DNAJC24: variants seen among roughly 807,000 people sequenced by gnomAD.
The protein encoded by DNAJC24 is DnaJ heat shock protein family (Hsp40) member C24, also known as dnaJ homolog subfamily C member 24.
DNAJC24 carries 17 observed loss-of-function variants against 18.0 expected under a neutral mutation model. The ratio of observed to expected loss-of-function variants is 0.94; its 90% CI spans 0.65 to 1.42. The LOEUF is 1.42. DNAJC24 is among the 40% of genes most tolerant of loss of function. The pLI is 0.00. For missense variants in DNAJC24, 158 were observed against 175.6 expected (o/e 0.90, Z 0.57); for synonymous variants, 55 against 57.7 (o/e 0.95, Z 0.21).
intron 2 of DNAJC24, among the ~76,000 whole-genome samples, chr11:31,411,471 C>T (rs1952708941): frequency 6.6e-6 from 1 of 152,160 alleles, no homozygotes; most frequent in Non-Finnish European, 1.5e-5. Flanking sequence ...ATAATTATAA[C>T]TGGGCTGAGT....
chr11:31,374,659 G>C (rs1205894770), intron 2 of DNAJC24, among the ~76,000 whole-genome samples: 1 of 134,434 alleles, frequency 7.4e-6, no homozygotes, highest in Non-Finnish European at 1.7e-5. Flanking sequence ...GAGAGGTGGA[G>C]GGCTAACCAT....
intron 2 of DNAJC24, among the ~76,000 whole-genome samples, chr11:31,376,390 G>A (rs1042884910): frequency 1.1e-4 from 16 of 152,174 alleles, no homozygotes; most frequent in African/African-American, 1.4e-4. Context: ...ACAGTTCAGC[G>A]CAATAATTTA....
At position 31,387,213 on chromosome 11, in the gene DNAJC24, A is replaced by G. The variant is rs147210930; in HGVS notation, c.111+16354A>G. 7.9e-3 allele frequency among the ~76,000 whole-genome samples: 1,203 copies of G among 152,260 alleles called. 12 individuals are homozygous for G. Among genetic ancestry groups the G allele is most frequent in the Non-Finnish European group, 0.014 (937 of 68,014 alleles). ...AAGGACAGAAGCCTGGCTGAATTCA[A>G]CACCTGCTAATTATAGAGCACTGCG... On this transcript the variant is annotated intron_variant, in intron 2 of 4. Coordinates refer to ENST00000465995, the MANE Select transcript of DNAJC24 (RefSeq NM_181706.5).
Position 31,426,901 on chromosome 11 carries a change from G to A in DNAJC24, c.319+546G>A, listed in dbSNP as rs1040074041. On this transcript the variant is annotated intron_variant, in intron 4 of 4. Transcript: ENST00000465995. ...TTCCCTTGATGCAACATGAAGTCAT[G>A]TCTTTTTTGCTTTTCTGTTATTAAA... 4 of 148,690 alleles carry A rather than the reference G, an allele frequency of 2.7e-5. No individual in the cohort carries two copies. In the Admixed American group the frequency reaches 2.7e-4, roughly 10 times the overall value. 9.2% of individuals were successfully genotyped at this position (148,690 alleles called of 1,614,324 possible).
At chr11:31,386,146 T>C (rs1397995889) in intron 2 of DNAJC24, among the ~76,000 whole-genome samples, 1 of 152,004 alleles carries the variant, frequency 6.6e-6, no homozygotes, top group Non-Finnish European at 1.5e-5. Flanking sequence ...TTCTCTGGGG[T>C]CATAAGTAAA....
At chr11:31,379,622 A>T (rs1461467615) in intron 2 of DNAJC24, among the ~76,000 whole-genome samples, 3 of 152,146 alleles carry the variant, frequency 2.0e-5, no homozygotes, top group African/African-American at 7.2e-5. Flanking sequence ...TCTGTCTCTC[A>T]TTTGCCATGT....
At chr11:31,410,500 T>A (rs1952698350) in intron 2 of DNAJC24, among the ~76,000 whole-genome samples, 1 of 152,190 alleles carries the variant, frequency 6.6e-6, no homozygotes, top group Non-Finnish European at 1.5e-5. Flanking sequence ...ATTTCCTTAG[T>A]GGTATCTTTG....
chr11:31,413,648 A>T (rs1035281106), intron 2 of DNAJC24, among the ~76,000 whole-genome samples: 3 of 152,100 alleles, frequency 2.0e-5, no homozygotes, highest in Non-Finnish European at 2.9e-5. Context: ...ACTATCTTTT[A>T]ATGATAGATT....
chr11:31,420,354 C>G (rs1371866833), intron 3 of DNAJC24, among the ~76,000 whole-genome samples: 1 of 152,048 alleles, frequency 6.6e-6, no homozygotes, highest in Non-Finnish European at 1.5e-5. Context: ...GTATTCTAAT[C>G]CATCTAATTT....
chr11:31,397,142 A>G (rs1191664117), intron 2 of DNAJC24, among the ~76,000 whole-genome samples: 1 of 152,222 alleles, frequency 6.6e-6, no homozygotes, highest in African/African-American at 2.4e-5. Flanking sequence ...AATTGTTGGC[A>G]TGCCTACTCT....
At chr11:31,394,778 A>T (rs908608619) in intron 2 of DNAJC24, among the ~76,000 whole-genome samples, 11 of 152,146 alleles carry the variant, frequency 7.2e-5, no homozygotes, top group African/African-American at 2.7e-4. Flanking sequence ...CCAGGTAAAA[A>T]GTTAGGAAAA....
At chr11:31,411,945 C>G (rs1952714398) in intron 2 of DNAJC24, among the ~76,000 whole-genome samples, 1 of 152,104 alleles carries the variant, frequency 6.6e-6, no homozygotes, top group Admixed American at 6.5e-5. Flanking sequence ...TTTAAGCATC[C>G]CAAATGATAT....
intron 2 of DNAJC24, among the ~76,000 whole-genome samples, chr11:31,399,347 G>A (rs1000202503): frequency 4.0e-5 from 6 of 151,470 alleles, no homozygotes; most frequent in East Asian, 1.9e-4. Context: ...ATTCAACCAC[G>A]TATCTTAACC....
chr11:31,429,657 G>T (rs1321667023), intron 4 of DNAJC24: 1 of 220,744 alleles, frequency 4.5e-6, no homozygotes, highest in African/African-American at 2.3e-5. Context: ...CATCTTGTTG[G>T]TTCATGTATC....
At chr11:31,413,533 T>C (rs928176994) in intron 2 of DNAJC24, among the ~76,000 whole-genome samples, 10 of 151,960 alleles carry the variant, frequency 6.6e-5, no homozygotes, top group South Asian at 2.1e-4. Flanking sequence ...AGGGTTTCAC[T>C]GTGTTAGCCA....
At chr11:31,426,632 T>A (rs1952864823) in intron 4 of DNAJC24, 1 of 283,286 alleles carries the variant, frequency 3.5e-6, no homozygotes, top group Admixed American at 5.1e-5. Context: ...TGTGTTTTTT[T>A]ACTTTAGTTT....
At chr11:31,401,016 A>G (rs939039379) in intron 2 of DNAJC24, among the ~76,000 whole-genome samples, 1 of 152,192 alleles carries the variant, frequency 6.6e-6, no homozygotes, top group Non-Finnish European at 1.5e-5. Flanking sequence ...TACAAGGAAC[A>G]TCAATAAATT....
intron 2 of DNAJC24, among the ~76,000 whole-genome samples, chr11:31,381,785 C>G (rs1952379316): frequency 6.6e-6 from 1 of 151,966 alleles, no homozygotes; most frequent in Non-Finnish European, 1.5e-5. Flanking sequence ...CCATGTTCGC[C>G]AGGCTGGTCT....
intron 2 of DNAJC24, among the ~76,000 whole-genome samples, chr11:31,401,458 G>T (rs1238784451): frequency 1.3e-5 from 2 of 149,360 alleles, no homozygotes; most frequent in South Asian, 4.3e-4. Flanking sequence ...CCCTTCTCCC[G>T]CTGTCTCCTC....
Sources: allele counts gnomAD v4.1 joint callset (sites outside exome capture counted in the v4.1 genomes callset), GRCh38; gene constraint gnomAD v4.1.1; transcripts MANE v1.5; gene names NCBI Gene and HGNC (gene_info 2026-07-23, HGNC 2026-07-21).